Variants in FHIT observed in about 807,000 individuals in gnomAD.
FHIT encodes the protein bis(5'-adenosyl)-triphosphatase.
In FHIT, 19 loss-of-function variants were observed where a neutral mutation model predicts 17.9. The observed-to-expected ratio is 1.06, with a 90% CI of 0.74 to 1.56. The LOEUF is 1.56. FHIT is among the 40% of genes most tolerant of loss of function. FHIT has a pLI of 0.00. For synonymous variants in FHIT, 81 were observed against 69.7 expected (o/e 1.16, Z -0.81); for missense variants, 248 against 189.2 (o/e 1.31, Z -1.82).
At chr3:59,762,393 T>C (rs1042361422) in intron 8 of FHIT, among the ~76,000 whole-genome samples, 1 of 152,124 alleles carries the variant, frequency 6.6e-6, no homozygotes, top group African/African-American at 2.4e-5. Context: ...CCTCCCAATA[T>C]ACTGGCTATG....
intron 7 of FHIT, among the ~76,000 whole-genome samples, chr3:59,988,537 A>T (rs1709088081): frequency 6.6e-6 from 1 of 152,038 alleles, no homozygotes; most frequent in Admixed American, 6.6e-5. Flanking sequence ...CCATTCATTT[A>T]TTCACTCAGG....
chr3:60,100,502 G>T (rs1704147183), intron 5 of FHIT, among the ~76,000 whole-genome samples: 1 of 152,120 alleles, frequency 6.6e-6, no homozygotes, highest in Non-Finnish European at 1.5e-5. Context: ...TAAAAAACTG[G>T]TTTTTAAAAA....
rs1378051443 is a variant in FHIT, at chr3:60,014,029, G to T, written c.227C>A (p.Thr76Asn). Residue 76 changes from threonine (T) to asparagine (N), a missense_variant, in exon 6 of 10, where the codon ACC (threonine) becomes AAC (asparagine). Coordinates refer to ENST00000492590, the MANE Select transcript of FHIT (RefSeq NM_002012.4). Reference sequence around the variant, plus strand: ...CACCTGCATGGAAAAGGTGAGAGAGGTCCCATGGAAATGTTTTTCCACCAC... The same window carrying T: ...CACCTGCATGGAAAAGGTGAGAGAGTTCCCATGGAAATGTTTTTCCACCAC... ...GTVVEKHFHGTSLTFSMQDGP... is the reference protein window; with the variant it reads ...GTVVEKHFHGNSLTFSMQDGP... 1 of 1,614,002 alleles carries T rather than the reference G, an allele frequency of 6.2e-7. No individual in the cohort carries two copies.
chr3:59,983,408 A>G (rs1708742004), intron 7 of FHIT, among the ~76,000 whole-genome samples: 1 of 152,168 alleles, frequency 6.6e-6, no homozygotes, highest in Admixed American at 6.5e-5. Flanking sequence ...ATAAGTGACT[A>G]GAGTACAATA....
intron 5 of FHIT, among the ~76,000 whole-genome samples, chr3:60,145,583 T>G (rs1342962052): frequency 6.6e-6 from 1 of 152,156 alleles, no homozygotes; most frequent in Non-Finnish European, 1.5e-5. Context: ...TTCTCAAATA[T>G]TCATCATTTA....
chr3:60,495,797 C>T (rs1350591033), intron 5 of FHIT, among the ~76,000 whole-genome samples: 2 of 152,206 alleles, frequency 1.3e-5, no homozygotes, highest in African/African-American at 4.8e-5. Context: ...GAATGCTTGT[C>T]TTTCTAGACA....
intron 2 of FHIT, among the ~76,000 whole-genome samples, chr3:61,079,733 T>A (rs1331295211): frequency 2.0e-5 from 3 of 152,176 alleles, no homozygotes; most frequent in African/African-American, 7.2e-5. Flanking sequence ...GCTCAATTTA[T>A]CTTCAGTTAA....
intron 5 of FHIT, among the ~76,000 whole-genome samples, chr3:60,135,819 G>C (rs1699793049): frequency 6.6e-6 from 1 of 152,048 alleles, no homozygotes; most frequent in Non-Finnish European, 1.5e-5. Context: ...TTATCAAACA[G>C]AAGAATTTGG....
intron 1 of FHIT, among the ~76,000 whole-genome samples, chr3:61,228,483 C>T (rs2040022585): frequency 6.6e-6 from 1 of 152,220 alleles, no homozygotes; most frequent in African/African-American, 2.4e-5. Context: ...GTGTTCAATT[C>T]TAACTTCATC....
At chr3:61,121,936 C>T (rs1360850538) in intron 2 of FHIT, among the ~76,000 whole-genome samples, 1 of 152,098 alleles carries the variant, frequency 6.6e-6, no homozygotes, top group East Asian at 1.9e-4. Flanking sequence ...CAATCCTAGT[C>T]TCTGATAAAA....
chr3:61,099,602 G>T (rs2035754929), intron 2 of FHIT, among the ~76,000 whole-genome samples: 1 of 152,004 alleles, frequency 6.6e-6, no homozygotes, highest in South Asian at 2.1e-4. Context: ...GCTCCCTATT[G>T]GTCTGTTCTA....
chr3:60,034,381 G>A (rs1365162329), intron 5 of FHIT, among the ~76,000 whole-genome samples: 1 of 152,170 alleles, frequency 6.6e-6, no homozygotes, highest in Admixed American at 6.5e-5. Flanking sequence ...CTTTCAAGTA[G>A]GAGACTAAAA....
intron 5 of FHIT, among the ~76,000 whole-genome samples, chr3:60,525,960 G>C (rs562209182): frequency 2.6e-5 from 4 of 151,938 alleles, no homozygotes; most frequent in African/African-American, 7.3e-5. Flanking sequence ...AAAATTAGCT[G>C]GGCGTGGTGG....
intron 8 of FHIT, among the ~76,000 whole-genome samples, chr3:59,885,766 G>A (rs1050543115): frequency 6.6e-6 from 1 of 152,156 alleles, no homozygotes; most frequent in African/African-American, 2.4e-5. Flanking sequence ...CATGAGCGCT[G>A]CTTTCATTTT....
chr3:60,316,939 G>A (rs374728094), intron 5 of FHIT, among the ~76,000 whole-genome samples: 5 of 152,048 alleles, frequency 3.3e-5, no homozygotes, highest in African/African-American at 7.2e-5. Flanking sequence ...TTTCCTAATC[G>A]ATTGAAATAA....
chr3:60,068,238 A>AAAAAC (rs879839534), intron 5 of FHIT, among the ~76,000 whole-genome samples: 310 of 152,278 alleles, frequency 2.0e-3, no homozygotes, highest in Non-Finnish European at 2.6e-3. Flanking sequence ...CTGCCTCAAA[A>AAAAAC]AAAACAAAAC....
intron 7 of FHIT, among the ~76,000 whole-genome samples, chr3:59,995,850 G>A (rs1484566117): frequency 6.7e-6 from 1 of 148,278 alleles, no homozygotes; most frequent in Non-Finnish European, 1.5e-5. Context: ...ACATTAGTAA[G>A]TCTGGGCCCA....
intron 3 of FHIT, among the ~76,000 whole-genome samples, chr3:60,910,419 T>G (rs1553765562): frequency 1.3e-5 from 2 of 151,276 alleles, no homozygotes; most frequent in Non-Finnish European, 3.0e-5. Flanking sequence ...TCTTTTTTTT[T>G]TTTTTTTTCC....
intron 5 of FHIT, among the ~76,000 whole-genome samples, chr3:60,469,624 A>G (rs1335049441): frequency 2.0e-5 from 3 of 152,008 alleles, no homozygotes; most frequent in Admixed American, 6.6e-5. Flanking sequence ...GAAAGCTCAC[A>G]TATCTCTCTC....
Sources: allele counts gnomAD v4.1 joint callset (sites outside exome capture counted in the v4.1 genomes callset), GRCh38; gene constraint gnomAD v4.1.1; transcripts MANE v1.5; gene names NCBI Gene and HGNC (gene_info 2026-07-23, HGNC 2026-07-21).